Variants in GRM5 observed in about 807,000 individuals in gnomAD.
The protein encoded by GRM5 is metabotropic glutamate receptor 5.
A neutral mutation model predicts 83.1 loss-of-function variants in GRM5; 19 were observed. The ratio of observed to expected loss-of-function variants is 0.23; its 90% CI spans 0.16 to 0.34. GRM5 has a LOEUF of 0.34. Ranked by LOEUF, GRM5 falls within the 10% of genes least tolerant of loss-of-function variation. The pLI is 1.00. For missense variants in GRM5, 1,160 were observed against 1,588.3 expected, an observed-to-expected ratio of 0.73 and a Z score of 4.58; for synonymous variants, 675 against 633.6, an observed-to-expected ratio of 1.07 and a Z score of -0.98.
intron 2 of GRM5, among the ~76,000 whole-genome samples, chr11:89,026,811 A>G (rs1941139401): frequency 6.6e-6 from 1 of 152,224 alleles, no homozygotes; most frequent in Admixed American, 6.5e-5. Flanking sequence ...GGCAACAGGG[A>G]AAGTCACCCT....
chr11:88,769,944 A>G (rs1942698419), intron 3 of GRM5, among the ~76,000 whole-genome samples: 1 of 152,058 alleles, frequency 6.6e-6, no homozygotes, highest in Non-Finnish European at 1.5e-5. Context: ...AATTTACAGC[A>G]GAGTAACCTG....
intron 2 of GRM5, among the ~76,000 whole-genome samples, chr11:88,968,520 C>G (rs1939065324): frequency 3.3e-5 from 5 of 151,798 alleles, no homozygotes; most frequent in Admixed American, 3.3e-4. Context: ...TCATCTCTAC[C>G]AAAAATAAAA....
chr11:88,873,901 A>G (rs1448042278), intron 2 of GRM5, among the ~76,000 whole-genome samples: 2 of 151,716 alleles, frequency 1.3e-5, no homozygotes, highest in Non-Finnish European at 3.0e-5. Flanking sequence ...AAATAAACAT[A>G]CCACAGAAAT....
chr11:88,751,499 G>C (rs949562526), intron 3 of GRM5, among the ~76,000 whole-genome samples: 1 of 152,118 alleles, frequency 6.6e-6, no homozygotes, highest in South Asian at 2.1e-4. Flanking sequence ...GGACCAGACA[G>C]ATTCACAGCT....
At chr11:88,691,140 G>A (rs987303966) in intron 3 of GRM5, among the ~76,000 whole-genome samples, 1 of 152,134 alleles carries the variant, frequency 6.6e-6, no homozygotes, top group East Asian at 1.9e-4. Context: ...GGCTGGATGA[G>A]GAGAGCAGCA....
At chr11:88,522,105 A>G (rs1259601340) in intron 9 of GRM5, among the ~76,000 whole-genome samples, 1 of 152,202 alleles carries the variant, frequency 6.6e-6, no homozygotes, top group Non-Finnish European at 1.5e-5. Context: ...TAGCTATTCA[A>G]TAATGGCCAC....
chr11:88,899,464 C>T (rs951034193), intron 2 of GRM5, among the ~76,000 whole-genome samples: 1 of 151,756 alleles, frequency 6.6e-6, no homozygotes, highest in African/African-American at 2.4e-5. Context: ...AATTAGTAGA[C>T]TTACTAATTA....
At chr11:88,880,525 AAAC>A (rs1458698845) in intron 2 of GRM5, among the ~76,000 whole-genome samples, 2 of 152,270 alleles carry the variant, frequency 1.3e-5, no homozygotes, top group African/African-American at 2.4e-5. Flanking sequence ...ATTTACATTT[AAAC>A]AACAACCCTG....
chr11:88,934,533 C>T (rs1295263501), intron 2 of GRM5, among the ~76,000 whole-genome samples: 1 of 151,782 alleles, frequency 6.6e-6, no homozygotes, highest in African/African-American at 2.4e-5. Flanking sequence ...CAAGTCACCA[C>T]ATAACATGGT....
intron 4 of GRM5, among the ~76,000 whole-genome samples, chr11:88,605,174 A>G (rs906001726): frequency 6.6e-6 from 1 of 152,302 alleles, no homozygotes; most frequent in South Asian, 2.1e-4. Flanking sequence ...AAACTCTGAA[A>G]AAAGTTCTGA....
chr11:89,011,020 AAAT>A (rs1158369483), intron 2 of GRM5, among the ~76,000 whole-genome samples: 2 of 152,184 alleles, frequency 1.3e-5, no homozygotes, highest in Non-Finnish European at 2.9e-5. Flanking sequence ...TTGTAGAGAG[AAAT>A]AATATCTGCT....
chr11:88,660,025 T>C (rs1316082781), intron 3 of GRM5, among the ~76,000 whole-genome samples: 5 of 152,246 alleles, frequency 3.3e-5, no homozygotes, highest in Non-Finnish European at 5.9e-5. Flanking sequence ...AATTTATTAA[T>C]TCACTAAACA....
At chr11:88,819,948 A>T (rs1335238586) in intron 3 of GRM5, among the ~76,000 whole-genome samples, 1 of 152,138 alleles carries the variant, frequency 6.6e-6, no homozygotes, top group Non-Finnish European at 1.5e-5. Context: ...ACCCATTTCC[A>T]TTATAATATA....
chr11:88,648,117 C>T (rs1444456358), intron 4 of GRM5, among the ~76,000 whole-genome samples: 1 of 152,122 alleles, frequency 6.6e-6, no homozygotes, highest in Non-Finnish European at 1.5e-5. Context: ...GGATCTAGAA[C>T]TAGAAATACA....
At chr11:88,590,824 T>G (rs1313186644) in intron 6 of GRM5, 97 bp from the exon 7 acceptor site, 4 of 725,182 alleles carry the variant, frequency 5.5e-6, no homozygotes, top group Non-Finnish European at 9.3e-6. Context: ...AGAAAGGCCT[T>G]TCACATACAT....
At chr11:88,992,109 A>T (rs1939997813) in intron 2 of GRM5, among the ~76,000 whole-genome samples, 2 of 152,152 alleles carry the variant, frequency 1.3e-5, no homozygotes, top group South Asian at 4.1e-4. Context: ...TTTGCAACCT[A>T]CTCATCTGAC....
At chr11:88,928,078 C>T (rs1294310313) in intron 2 of GRM5, among the ~76,000 whole-genome samples, 4 of 152,042 alleles carry the variant, frequency 2.6e-5, no homozygotes, top group Admixed American at 6.6e-5. Context: ...GTTTGTGAAC[C>T]CTCTTAGGAT....
chr11:88,591,099 T>G (rs998888262), intron 6 of GRM5, among the ~76,000 whole-genome samples: 2 of 152,226 alleles, frequency 1.3e-5, no homozygotes, highest in Non-Finnish European at 2.9e-5. Context: ...TAAGAACTTC[T>G]GCTCCCTGGA....
chr11:88,889,966 C>T (rs1331857344), intron 2 of GRM5, among the ~76,000 whole-genome samples: 1 of 152,120 alleles, frequency 6.6e-6, no homozygotes, highest in East Asian at 1.9e-4. Flanking sequence ...GTGTTCTGAC[C>T]ATTTTGAGTT....
Sources: gnomAD v4.1 joint callset for allele counts (sites outside exome capture counted in the v4.1 genomes callset) on GRCh38, gnomAD v4.1.1 for gene constraint, MANE v1.5 for transcripts, NCBI Gene and HGNC (gene_info 2026-07-23, HGNC 2026-07-21) for gene names.